QKI: variants seen among roughly 807,000 people sequenced by gnomAD.
QKI encodes QKI, KH domain containing RNA binding.
QKI carries 10 observed loss-of-function variants against 39.0 expected under a neutral mutation model. The ratio of observed to expected loss-of-function variants is 0.26; its 90% CI spans 0.16 to 0.43. QKI has a LOEUF of 0.43. QKI is among the 20% of genes least tolerant of loss of function. The pLI is 1.00. For missense variants in QKI, 218 were observed against 428.0 expected (o/e 0.51, Z 4.33); for synonymous variants, 204 against 155.4 (o/e 1.31, Z -2.33).
rs1790844671 is a variant in QKI at position 163,455,431 on chromosome 6, T to A, written c.285+10T>A. ...AAAAGAATACCCAGATGTAAGTATA[T>A]TTTGTTGTTTTATTCAATTTTGTTC... On this transcript the variant is annotated intron_variant, in intron 2 of 7. Transcript: ENST00000361752. 1 of 1,606,126 alleles carries A rather than the reference T, an allele frequency of 6.2e-7. No homozygotes were observed. Among genetic ancestry groups the A allele is most frequent in the Non-Finnish European group, 8.5e-7 (1 of 1,174,392 alleles).
At chr6:163,468,340 G>C (rs1489400082) in intron 2 of QKI, among the ~76,000 whole-genome samples, 1 of 152,118 alleles carries the variant, frequency 6.6e-6, no homozygotes, top group Non-Finnish European at 1.5e-5. Flanking sequence ...CTCTCCCCTT[G>C]TCCCCAAATT....
chr6:163,445,650 C>T (rs1189842974), intron 1 of QKI, among the ~76,000 whole-genome samples: 4 of 148,956 alleles, frequency 2.7e-5, no homozygotes, highest in South Asian at 2.1e-4. Flanking sequence ...AGTCTTGCTC[C>T]GTTGCCCAGG....
chr6:163,535,547 A>G (rs1412000923), intron 4 of QKI, among the ~76,000 whole-genome samples: 2 of 151,444 alleles, frequency 1.3e-5, no homozygotes, highest in South Asian at 2.1e-4. Flanking sequence ...TTAACGGGAA[A>G]TGAAAAATAA....
At chr6:163,415,907 G>A (rs1240766796) in intron 1 of QKI, 2 of 513,730 alleles carry the variant, frequency 3.9e-6, no homozygotes, top group Non-Finnish European at 7.8e-6. Flanking sequence ...TCAGTGTGGG[G>A]CTCGTTAGTT....
intron 1 of QKI, among the ~76,000 whole-genome samples, chr6:163,422,192 TA>T (rs1254456422): frequency 6.6e-5 from 10 of 152,002 alleles, no homozygotes; most frequent in African/African-American, 2.4e-4. Context: ...GGACTGCACT[TA>T]ATGTTTTCGT....
intron 1 of QKI, among the ~76,000 whole-genome samples, chr6:163,438,883 C>G (rs1301165794): frequency 2.0e-5 from 3 of 151,908 alleles, no homozygotes; most frequent in Admixed American, 6.6e-5. Flanking sequence ...TTATAAACTT[C>G]TAAATTTTTT....
intron 4 of QKI, among the ~76,000 whole-genome samples, chr6:163,553,581 G>A (rs552397531): frequency 1.3e-5 from 2 of 151,986 alleles, no homozygotes; most frequent in South Asian, 4.2e-4. Flanking sequence ...ACTAATGCTA[G>A]TATGTAGCCG....
chr6:163,489,547 G>T (rs1777925911), intron 3 of QKI, among the ~76,000 whole-genome samples: 1 of 151,614 alleles, frequency 6.6e-6, no homozygotes, highest in African/African-American at 2.4e-5. Context: ...TATTCTGACT[G>T]AAGCAGTTTA....
intron 2 of QKI, among the ~76,000 whole-genome samples, chr6:163,459,212 C>T (rs1791163254): frequency 6.6e-6 from 1 of 152,214 alleles, no homozygotes. Flanking sequence ...CACTGGAATG[C>T]AAGATCCAAG....
In QKI at chr6:163,572,670, ACCCCCC is replaced by A. The variant is rs60823251; in HGVS notation, c.*1966_*1971del. ...CGTGGCAAATCTCAAGTGACAGTGG[ACCCCCC>A]CCCCCGCCCAGCTTATCAACTCGTC... On this transcript the variant is annotated 3_prime_UTR_variant, in exon 8 of 8. Coordinates refer to ENST00000361752, the MANE Select transcript of QKI (RefSeq NM_006775.3). The A allele has an allele frequency of 1.0e-4, 2 of 19,654 alleles. No homozygotes were observed. The highest frequency in any genetic ancestry group is 0.031 in the Middle Eastern group (1 of 32). 1.2% of individuals were successfully genotyped at this position (19,654 alleles called of 1,614,324 possible).
In QKI at chr6:163,512,480, G is replaced by A. The variant is rs146251799; in HGVS notation, c.403-22502G>A. Among the ~76,000 whole-genome samples, 291 of 152,116 alleles carry A rather than the reference G, an allele frequency of 1.9e-3. 5 individuals are homozygous for A. The highest frequency in any genetic ancestry group is 6.7e-3 in the African/African-American group (278 of 41,548). ...ATGATCCTAAGTCTCTGTGTATCAAGTAACATAGCTTGAAAATATATAAAG... is the reference window on the plus strand; with the variant it reads ...ATGATCCTAAGTCTCTGTGTATCAAATAACATAGCTTGAAAATATATAAAG... On this transcript the variant is annotated intron_variant, in intron 3 of 7. Transcript: ENST00000361752.
At chr6:163,452,509 T>G (rs1272271612) in intron 1 of QKI, among the ~76,000 whole-genome samples, 2 of 152,158 alleles carry the variant, frequency 1.3e-5, no homozygotes, top group African/African-American at 4.8e-5. Context: ...CTTTCTTGCC[T>G]TTGTTTACCC....
In QKI at chr6:163,571,670, A is replaced by G. The variant is rs1285873376; in HGVS notation, c.*960A>G. On this transcript the variant is annotated 3_prime_UTR_variant, in exon 8 of 8. Coordinates refer to ENST00000361752, the MANE Select transcript of QKI (RefSeq NM_006775.3). ...CTATACAAGGGTGCTGGTGCAGAAA[A>G]AAATATATATATTTTTGGAAATGTA... 2.6e-5 allele frequency: 4 copies of G among 152,048 alleles called. No homozygotes were observed. Among genetic ancestry groups the G allele is most frequent in the African/African-American group, 7.2e-5 (3 of 41,436 alleles). 9.4% of individuals were successfully genotyped at this position (152,048 alleles called of 1,614,324 possible).
intron 4 of QKI, among the ~76,000 whole-genome samples, chr6:163,560,423 A>G (rs1198932681): frequency 6.6e-6 from 1 of 152,182 alleles, no homozygotes; most frequent in Non-Finnish European, 1.5e-5. Flanking sequence ...GACCACATTA[A>G]GTGAGGATCT....
chr6:163,538,425 G>T (rs549302460), intron 4 of QKI, among the ~76,000 whole-genome samples: 3 of 152,168 alleles, frequency 2.0e-5, no homozygotes, highest in Admixed American at 2.0e-4. Flanking sequence ...AGCGAAAAGT[G>T]CGGTGGCCCT....
intron 4 of QKI, among the ~76,000 whole-genome samples, chr6:163,560,884 A>G (rs186398913): frequency 1.3e-5 from 2 of 152,356 alleles, no homozygotes; most frequent in Admixed American, 6.5e-5. Context: ...CAACTGGAAC[A>G]GTAAATGGAA....
At chr6:163,469,419 CTAGT>C (rs1168794925) in intron 2 of QKI, among the ~76,000 whole-genome samples, 17 of 152,056 alleles carry the variant, frequency 1.1e-4, no homozygotes, top group Admixed American at 1.1e-3. Flanking sequence ...TAATGTGTAT[CTAGT>C]TAGTGACAAT....
At chr6:163,520,528 A>G (rs1033322108) in intron 3 of QKI, among the ~76,000 whole-genome samples, 4 of 151,312 alleles carry the variant, frequency 2.6e-5, no homozygotes, top group Admixed American at 6.6e-5. Context: ...AAAACTATAG[A>G]AAAAAAAAGG....
intron 3 of QKI, among the ~76,000 whole-genome samples, chr6:163,481,499 C>T (rs116083123): frequency 0.013 from 1,994 of 152,210 alleles, 43 homozygotes; most frequent in South Asian, 0.061. Context: ...GTGACTAGTT[C>T]AGGTAATAAA....
Sources: gnomAD v4.1 joint callset for allele counts (sites outside exome capture counted in the v4.1 genomes callset) on GRCh38, gnomAD v4.1.1 for gene constraint, MANE v1.5 for transcripts, NCBI Gene and HGNC (gene_info 2026-07-23, HGNC 2026-07-21) for gene names.